Variants in ZFAND2B observed in about 807,000 individuals in gnomAD.
The protein encoded by ZFAND2B is zinc finger AN1-type containing 2B.
Under a neutral mutation model 38.2 loss-of-function variants are expected in ZFAND2B, and 27 were observed. That is an observed-to-expected ratio of 0.71 (90% CI 0.52 to 0.97). The LOEUF is 0.97. Ranked by LOEUF, ZFAND2B falls within the 50% of genes least tolerant of loss-of-function variation. ZFAND2B has a pLI of 0.00. For synonymous variants in ZFAND2B, 111 were observed against 119.4 expected (o/e 0.93, Z 0.46); for missense variants, 303 against 331.5 (o/e 0.91, Z 0.67).
chr2:219,207,573 A>T, intron 2 of ZFAND2B, 75 bp from the exon 3 acceptor site: 1 of 1,602,042 alleles, frequency 6.2e-7, no homozygotes, highest in South Asian at 1.1e-5. Flanking sequence ...GGTGGGTCAT[A>T]TCCAAGTTCT....
chr2:219,207,426 G>A lies in ZFAND2B; in HGVS notation c.150+5G>A, dbSNP rs575833705. The A allele has an allele frequency of 6.2e-6, 10 of 1,608,366 alleles. 1 individual carries two copies. In the South Asian group the frequency reaches 1.1e-4, roughly 18 times the overall value. On this transcript the variant is annotated splice_donor_5th_base_variant and intron_variant, in intron 2 of 8. Coordinates refer to ENST00000289528, the MANE Select transcript of ZFAND2B (RefSeq NM_138802.3). The stretch of plus-strand genomic sequence containing the variant: ...TGTGGATCTGCTTACCAAAAGGTGA[G>A]GGGGCGATCCTCAGGGTGAAAGCAG...
rs1293726363 is a variant in ZFAND2B at position 219,209,571 on chromosome 2, T to G, written c.*265T>G. ...CCCCTTCATCATGTCATCTCCCTTA[T>G]GCTGGAGCTGCCCCGATGTGGAGTG... On this transcript the variant is annotated 3_prime_UTR_variant, in exon 9 of 9. Transcript: ENST00000289528. 1.5e-6 allele frequency: 1 copy of G among 685,988 alleles called. No individual in the cohort carries two copies. Among genetic ancestry groups the G allele is most frequent in the East Asian group, 2.9e-5 (1 of 34,372 alleles). The allele number at this position is 685,988 out of a possible 1,614,324, so 42.5% of individuals were successfully genotyped here.
At chr2:219,207,466 C>G in intron 2 of ZFAND2B, 45 bp downstream of exon 2, 6 of 1,591,868 alleles carry the variant, frequency 3.8e-6, no homozygotes, top group Non-Finnish European at 5.2e-6. Flanking sequence ...ATGGAGAATG[C>G]GTGCAGAATC....
intron 8 of ZFAND2B, 99 bp downstream of exon 8, chr2:219,209,148 A>T: frequency 6.3e-7 from 1 of 1,580,328 alleles, no homozygotes; most frequent in East Asian, 2.2e-5. Context: ...AATGGTGGTT[A>T]TCGTCTGGTT....
chr2:219,208,906 A>AAC, intron 7 of ZFAND2B, 71 bp from the exon 8 acceptor site: 1 of 1,515,122 alleles, frequency 6.6e-7, no homozygotes, highest in African/African-American at 1.4e-5. Flanking sequence ...CATGAGGCCC[A>AAC]ACACACACAG....
rs66491679 is a variant in ZFAND2B, at chr2:219,207,157, TGG to T, written c.55+123_55+124del. 1,249 of 564,636 alleles carry T rather than the reference TGG, an allele frequency of 2.2e-3. 2 individuals carry two copies. The highest frequency in any genetic ancestry group is 2.7e-3 in the Admixed American group (87 of 31,694). The allele number at this position is 564,636 out of a possible 1,614,324, so 35.0% of individuals were successfully genotyped here. ...AATGCCGGGGGGCGGGGCTTGAAGC[TGG>T]GGGGGGGTGGTCAGCGGCAGAGGGG... On this transcript the variant is annotated intron_variant, in intron 1 of 8. Coordinates refer to ENST00000289528, the MANE Select transcript of ZFAND2B (RefSeq NM_138802.3).
At position 219,206,835 on chromosome 2, in the gene ZFAND2B, C is replaced by CG. The variant is rs1950489765; in HGVS notation, c.-148dup. 2.6e-6 allele frequency: 2 copies of CG among 776,486 alleles called. No homozygotes were observed. Among genetic ancestry groups the CG allele is most frequent in the Non-Finnish European group, 3.7e-6 (2 of 537,342 alleles). 48.1% of individuals were successfully genotyped at this position (776,486 alleles called of 1,614,324 possible). ...AGCGGGCGCCGGGGGCCGGCTGGCG[C>CG]GGGGGCTCCGGTAACCCGGGCTGGG... On this transcript the variant is annotated 5_prime_UTR_variant, in exon 1 of 9. Transcript: ENST00000289528.
At position 219,208,422 on chromosome 2, in the gene ZFAND2B, G is replaced by T. The variant is rs372934928; in HGVS notation, c.528-4G>T. 1 of 1,613,992 alleles carries T rather than the reference G, an allele frequency of 6.2e-7. No homozygotes were observed. Among genetic ancestry groups the T allele is most frequent in the East Asian group, 2.2e-5 (1 of 44,892 alleles). ...GACCTCCACCTCTTCAATGTCTGTCGTAGAGCCACAACCCGATCTCCGTCC... is the reference window on the plus strand; with the variant it reads ...GACCTCCACCTCTTCAATGTCTGTCTTAGAGCCACAACCCGATCTCCGTCC... On this transcript the variant is annotated splice_region_variant and splice_polypyrimidine_tract_variant and intron_variant, in intron 5 of 8. Coordinates refer to ENST00000289528, the MANE Select transcript of ZFAND2B (RefSeq NM_138802.3).
chr2:219,208,247 T>C lies in ZFAND2B; in HGVS notation c.435-9T>C, dbSNP rs1950519851. 1 of 1,613,968 alleles carries C rather than the reference T, an allele frequency of 6.2e-7. No homozygotes were observed. The highest frequency in any genetic ancestry group is 1.1e-5 in the South Asian group (1 of 91,082). On this transcript the variant is annotated splice_polypyrimidine_tract_variant and intron_variant, in intron 4 of 8. Coordinates refer to ENST00000289528, the MANE Select transcript of ZFAND2B (RefSeq NM_138802.3). The stretch of plus-strand genomic sequence containing the variant: ...TTGGAGACATGCCAAAAATCTCTCT[T>C]CCCTACAGACTTGCTGCCATCTCCA...
chr2:219,208,543 G>C, intron 6 of ZFAND2B, 29 bp from the exon 7 acceptor site: 1 of 1,614,214 alleles, frequency 6.2e-7, no homozygotes, highest in Non-Finnish European at 8.5e-7. Flanking sequence ...TGAAGTCCAA[G>C]GACGCTGGTC....
chr2:219,208,314 A>G lies in ZFAND2B; in HGVS notation c.493A>G (p.Ser165Gly), dbSNP rs1950521328. Residue 165 changes from serine (S) to glycine (G), a missense_variant, in exon 5 of 9, where the codon AGT (serine) becomes GGT (glycine). Ser to Gly is a moderately conservative substitution (Grantham distance 56). Coordinates refer to ENST00000289528, the MANE Select transcript of ZFAND2B (RefSeq NM_138802.3). ...TTCTACAAGCACTGTCCCCAGCCCA[A>G]GTCAAACCATGCCTTCCTGTACCTC... Reference protein sequence around the residue: ...VASTSTVPSPSQTMPSCTSPS... With the variant: ...VASTSTVPSPGQTMPSCTSPS... The G allele has an allele frequency of 1.2e-6, 2 of 1,614,046 alleles. No individual in the cohort carries two copies. Among genetic ancestry groups the G allele is most frequent in the East Asian group, 2.2e-5 (1 of 44,894 alleles).
chr2:219,208,900 A>T, intron 7 of ZFAND2B, 77 bp from the exon 8 acceptor site: 1 of 1,452,678 alleles, frequency 6.9e-7, no homozygotes, highest in Non-Finnish European at 9.7e-7. Flanking sequence ...CAGCACCATG[A>T]GGCCCAACAC....
Position 219,207,933 on chromosome 2 carries a change from T to TGATGAAACTGACCTGTGAACGCTGTA in ZFAND2B, c.331_356dup (p.Ser119ArgfsTer2). 5 of 1,614,028 alleles carry TGATGAAACTGACCTGTGAACGCTGTA rather than the reference T, an allele frequency of 3.1e-6. No homozygotes were observed. The highest frequency in any genetic ancestry group is 4.2e-6 in the Non-Finnish European group (5 of 1,179,994). On this transcript the variant is annotated frameshift_variant, in exon 4 of 9. Coordinates refer to ENST00000289528, the MANE Select transcript of ZFAND2B (RefSeq NM_138802.3). LOFTEE classifies it high-confidence loss of function. ...CGCGCTGGCTGCCGGCAGCGAGAAA[T>TGATGAAACTGACCTGTGAACGCTGTA]GATGAAACTGACCTGTGAACGCTGT... is the stretch of plus-strand genomic sequence containing the variant.
In ZFAND2B at chr2:219,207,003, C is replaced by T; in HGVS notation, c.16C>T (p.Leu6Phe). 6.2e-7 allele frequency: 1 copy of T among 1,611,998 alleles called. No homozygotes were observed. The change falls in exon 1 of 9, where the codon CTC becomes TTC. Residue 6 changes from leucine (L) to phenylalanine (F), a missense_variant. Coordinates refer to ENST00000289528, the MANE Select transcript of ZFAND2B (RefSeq NM_138802.3). ...CGGCTTGGCGATGGAGTTTCCGGAC[C>T]TCGGCGCTCACTGTTCGGAGCCGAG... MEFPDLGAHCSEPSCQ... is the reference protein window; with the variant it reads MEFPDFGAHCSEPSCQ...
chr2:219,209,506 G>C lies in ZFAND2B; in HGVS notation c.*200G>C, dbSNP rs935470804. 1.1e-5 allele frequency: 8 copies of C among 735,134 alleles called. No homozygotes were observed. The highest frequency in any genetic ancestry group is 2.0e-5 in the Non-Finnish European group (8 of 404,810). The allele number at this position is 735,134 out of a possible 1,614,324, so 45.5% of individuals were successfully genotyped here. A position where few individuals can be genotyped will look rare whatever the true frequency, so the allele number is the denominator to read the frequency against. On this transcript the variant is annotated 3_prime_UTR_variant, in exon 9 of 9. Transcript: ENST00000289528. ...GAGAGCGGCTAGCAACTGTTCCCTG[G>C]TTGGGCCCTCAGTGGATGCTGGCCA...
intron 2 of ZFAND2B, 33 bp from the exon 3 acceptor site, chr2:219,207,615 G>A: frequency 6.2e-7 from 1 of 1,611,298 alleles, no homozygotes. Flanking sequence ...GACTGGAGTG[G>A]GCCACAGACT....
Position 219,209,295 on chromosome 2 carries a change from A to C in ZFAND2B, c.763A>C (p.Ser255Arg), listed in dbSNP as rs775493182. The change falls in exon 9 of 9, where the codon AGC (serine) becomes CGC (arginine). Residue 255 changes from serine (S) to arginine (R), a missense_variant. Physicochemically the swap from Ser to Arg is moderately radical, Grantham distance 110. Coordinates refer to ENST00000289528, the MANE Select transcript of ZFAND2B (RefSeq NM_138802.3). The part of the protein sequence containing the change: ...QSRSSKPSNC[S>R]LC ...CCGCAGCTCGAAGCCGTCCAACTGC[A>C]GCCTGTGCTAGGGCCCTGGGCTTGG... The C allele has an allele frequency of 5.0e-6, 8 of 1,610,926 alleles. No homozygotes were observed. The Admixed American group carries it at 6.7e-5, about 13-fold the overall frequency.
In ZFAND2B at chr2:219,208,064, G is replaced by C. The variant is rs1312284402; in HGVS notation, c.434+26G>C. 4 of 1,613,498 alleles carry C rather than the reference G, an allele frequency of 2.5e-6. No homozygotes were observed. In the African/African-American group the frequency reaches 5.3e-5, roughly 22 times the overall value. ...GTAATGGCAGCCAAGTCCTCCACTTGCTTTTGGGAAGCATTCTTTTGGAAC... is the reference window on the plus strand; with the variant it reads ...GTAATGGCAGCCAAGTCCTCCACTTCCTTTTGGGAAGCATTCTTTTGGAAC... On this transcript the variant is annotated intron_variant, in intron 4 of 8. Transcript: ENST00000289528.
intron 2 of ZFAND2B, 68 bp downstream of exon 2, chr2:219,207,489 G>C (rs966541177): frequency 2.5e-6 from 4 of 1,585,618 alleles, no homozygotes; most frequent in Non-Finnish European, 2.6e-6. Flanking sequence ...CCAAATCTGT[G>C]TCTCACGTTT....
Sources: gnomAD v4.1 joint callset for allele counts on GRCh38, gnomAD v4.1.1 for gene constraint, MANE v1.5 for transcripts, NCBI Gene and HGNC (gene_info 2026-07-23, HGNC 2026-07-21) for gene names.